Variants in GCN1 observed in about 807,000 individuals in gnomAD.
The protein encoded by GCN1 is stalled ribosome sensor GCN1.
GCN1 carries 90 observed loss-of-function variants against 288.4 expected under a neutral mutation model. That is an observed-to-expected ratio of 0.31 (90% CI 0.26 to 0.37). The LOEUF (loss-of-function observed/expected upper bound fraction) is 0.37. GCN1 is among the 10% of genes least tolerant of loss of function. GCN1 has a pLI of 1.00. For synonymous variants in GCN1, 1,386 were observed against 1,420.2 expected, an observed-to-expected ratio of 0.98 and a Z score of 0.54; for missense variants, 2,586 against 3,419.9, an observed-to-expected ratio of 0.76 and a Z score of 6.08.
chr12:120,138,061 C>T lies in GCN1; in HGVS notation c.6250-17G>A, dbSNP rs1170676787. 1.9e-6 allele frequency: 3 copies of T among 1,604,074 alleles called. No individual in the cohort carries two copies. The highest frequency in any genetic ancestry group is 2.3e-5 in the East Asian group (1 of 44,444). ...CGTTGTCAGCTGGTGGAATGACAAA[C>T]ATTAACTCAGTGAATACTGTGCCAG... On this transcript the variant is annotated splice_polypyrimidine_tract_variant and intron_variant, in intron 47 of 57. Transcript: ENST00000300648.
rs1009259986 is a variant in GCN1, at chr12:120,137,467, T to A, written c.6663+78A>T. ...AGCTGAGTGACAGGTACGTGGGGGATTCTTATAAGTCTATTCCTGTAAATG... is the reference window on the plus strand; with the variant it reads ...AGCTGAGTGACAGGTACGTGGGGGAATCTTATAAGTCTATTCCTGTAAATG... On this transcript the variant is annotated intron_variant, in intron 49 of 57. Transcript: ENST00000300648. The surrounding 1 kb of genome is among the most constrained non-coding windows in gnomAD (Gnocchi z 5.2). The A allele has an allele frequency of 2.0e-6, 3 of 1,514,640 alleles. No homozygotes were observed. The African/African-American group carries it at 4.1e-5, about 21-fold the overall frequency. The allele number at this position is 1,514,640 out of a possible 1,614,324, so 93.8% of individuals were successfully genotyped here.
At chr12:120,136,456 G>C (rs960772440) in intron 51 of GCN1, 46 bp downstream of exon 51, 3 of 1,435,462 alleles carry the variant, frequency 2.1e-6, no homozygotes, top group Non-Finnish European at 2.9e-6. Context: ...GGCTCCTGCA[G>C]ACAGACCTGT....
Position 120,164,376 on chromosome 12 carries a change from C to A in GCN1, c.1808G>T (p.Gly603Val), listed in dbSNP as rs772641060. The change falls in exon 18 of 58, where the codon GGA (glycine) becomes GTA (valine). Residue 603 changes from glycine to valine, a missense_variant. Gly to Val is a moderately radical substitution (Grantham distance 109). Around this residue, in one of 8 missense-constraint regions of GCN1, gnomAD observed 913 missense variants for 1,107.0 expected, o/e 0.82. Transcript: ENST00000300648. Reference sequence around the variant, plus strand: ...GACAGTCTTCAGCTCCTCCAAGAGTCCGTGCGCCAGCTTAAAGCCCCCAAG... The same window carrying A: ...GACAGTCTTCAGCTCCTCCAAGAGTACGTGCGCCAGCTTAAAGCCCCCAAG... ...SSLGGFKLAH[G>V]LLEELKTVLS... 4.3e-6 allele frequency: 7 copies of A among 1,614,074 alleles called. No homozygotes were observed. Among genetic ancestry groups the A allele is most frequent in the Non-Finnish European group, 5.9e-6 (7 of 1,180,028 alleles).
chr12:120,156,650 T>G lies in GCN1; in HGVS notation c.3169-46A>C. ...CTGGTTCAGTCAGCAACTCATTTAC[T>G]ACTAGGGGGCCAGAGAGGGATATGC... On this transcript the variant is annotated intron_variant, in intron 27 of 57. Coordinates refer to ENST00000300648, the MANE Select transcript of GCN1 (RefSeq NM_006836.2). The surrounding 1 kb of genome is among the most constrained non-coding windows in gnomAD (Gnocchi z 5.8). 1 of 1,599,742 alleles carries G rather than the reference T, an allele frequency of 6.3e-7. No homozygotes were observed. Among genetic ancestry groups the G allele is most frequent in the Non-Finnish European group, 8.6e-7 (1 of 1,168,566 alleles).
At chr12:120,146,835 C>G (rs1033392922) in intron 38 of GCN1, among the ~76,000 whole-genome samples, 1 of 152,238 alleles carries the variant, frequency 6.6e-6, no homozygotes, top group Non-Finnish European at 1.5e-5. Context: ...ACAGGCCTTT[C>G]TGGGCCTCAG....
At chr12:120,182,783 CAA>C (rs1420464101) in intron 5 of GCN1, among the ~76,000 whole-genome samples, 2 of 152,028 alleles carry the variant, frequency 1.3e-5, no homozygotes, top group Non-Finnish European at 2.9e-5. Context: ...ACTAAAAATA[CAA>C]AAGAATTAGC....
Position 120,131,266 on chromosome 12 carries a change from A to C in GCN1, c.7482T>G (p.Asn2494Lys). The change falls in exon 55 of 58, where the codon AAT becomes AAG. Residue 2494 changes from asparagine (N) to lysine (K), a missense_variant. Asn to Lys is a moderately conservative substitution (Grantham distance 94, BLOSUM62 0). This residue lies in a region of GCN1 where 355 missense variants were observed against 431.1 expected (regional missense o/e 0.82). Coordinates refer to ENST00000300648, the MANE Select transcript of GCN1 (RefSeq NM_006836.2). ...GRSLALSVAV[N>K]VAPGRLCAGR... The stretch of plus-strand genomic sequence containing the variant: ...CGGCACAAAGTCTGCCAGGAGCCAC[A>C]TTCACAGCCACGGAAAGTGCCAGGC... 1 of 1,614,074 alleles carries C rather than the reference A, an allele frequency of 6.2e-7. No individual in the cohort carries two copies. The highest frequency in any genetic ancestry group is 1.3e-5 in the African/African-American group (1 of 75,058).
chr12:120,129,882 C>CTGAT (rs1463501734), intron 56 of GCN1, among the ~76,000 whole-genome samples: 4 of 152,216 alleles, frequency 2.6e-5, no homozygotes, highest in Non-Finnish European at 4.4e-5. Context: ...GGGTCCTCCC[C>CTGAT]ATGGGCTCCA....
chr12:120,137,814 C>T lies in GCN1; in HGVS notation c.6394G>A (p.Glu2132Lys). ...ATCACAGCCTGACAATTGGCCATCT[C>T]CTGCAAACCACAAGGGACATGTGTG... ...EKLGTPDEQLEMANCQAVILS... is the reference protein window; with the variant it reads ...EKLGTPDEQLKMANCQAVILS... Residue 2132 changes from glutamate (E) to lysine (K), a missense_variant and splice_region_variant, in exon 49 of 58, where the codon GAG becomes AAG. Glu to Lys is a moderately conservative substitution (Grantham distance 56, BLOSUM62 1). Coordinates refer to ENST00000300648, the MANE Select transcript of GCN1 (RefSeq NM_006836.2). The surrounding 1 kb of genome is among the most constrained non-coding windows in gnomAD (Gnocchi z 5.2). The T allele has an allele frequency of 6.2e-7, 1 of 1,613,464 alleles. No individual in the cohort carries two copies. Among genetic ancestry groups the T allele is most frequent in the Non-Finnish European group, 8.5e-7 (1 of 1,179,358 alleles).
At chr12:120,174,956 T>C (rs1398391435) in intron 12 of GCN1, among the ~76,000 whole-genome samples, 1 of 150,620 alleles carries the variant, frequency 6.6e-6, no homozygotes, top group Non-Finnish European at 1.5e-5. Flanking sequence ...TGAAACCCCA[T>C]CTCTACTAAA....
chr12:120,131,140 A>G (rs763546014), intron 55 of GCN1, 45 bp downstream of exon 55: 1 of 1,586,070 alleles, frequency 6.3e-7, no homozygotes, highest in South Asian at 1.1e-5. Flanking sequence ...GGTGCTGCCT[A>G]TGGGATGTGG....
intron 42 of GCN1, among the ~76,000 whole-genome samples, chr12:120,143,442 C>A (rs1484883341): frequency 6.6e-6 from 1 of 152,144 alleles, no homozygotes; most frequent in Admixed American, 6.5e-5. Flanking sequence ...ATTAGCCAGG[C>A]GTGCTGGCAG....
At position 120,130,748 on chromosome 12, in the gene GCN1, G is replaced by A. The variant is rs780287777; in HGVS notation, c.7569C>T (p.Pro2523=). The A allele has an allele frequency of 6.2e-7, 1 of 1,608,244 alleles. No homozygotes were observed. The highest frequency in any genetic ancestry group is 1.1e-5 in the South Asian group (1 of 90,954). ...ILSSATADRI[P]IAVSGVRGMG... is the part of the protein sequence containing the mutation. ...TGCCCCGGACCCCGCTCACCGCAAT[G>A]GGGATCTGTGGAGAACAGACAGCGC... Residue 2523 remains proline (P), a synonymous_variant, in exon 56 of 58, where the codon CCC becomes CCT. Coordinates refer to ENST00000300648, the MANE Select transcript of GCN1 (RefSeq NM_006836.2).
intron 3 of GCN1, 116 bp downstream of exon 3, chr12:120,184,708 G>C: frequency 2.6e-6 from 2 of 775,994 alleles, no homozygotes; most frequent in South Asian, 2.8e-5. Flanking sequence ...GCTAGGATGT[G>C]ACATAGCCCA....
chr12:120,169,783 C>T (rs562147308), intron 15 of GCN1, among the ~76,000 whole-genome samples: 10 of 152,300 alleles, frequency 6.6e-5, no homozygotes, highest in East Asian at 5.8e-4. Flanking sequence ...TTGGTAACAC[C>T]GTTTACAGAG....
In GCN1 at chr12:120,175,917, G is replaced by A. The variant is rs772907277; in HGVS notation, c.914-43C>T. The A allele has an allele frequency of 3.1e-5, 49 of 1,581,446 alleles. No homozygotes were observed. In the East Asian group the frequency reaches 1.1e-3, roughly 34 times the overall value. The stretch of plus-strand genomic sequence containing the variant: ...CTGCTCAGAAGCAGCCAACAACTGA[G>A]CATCCAGACTTTCGTCTTTGTCTTT... On this transcript the variant is annotated intron_variant, in intron 10 of 57. Transcript: ENST00000300648.
chr12:120,161,126 C>CCCAGAAGT (rs1456923103), intron 22 of GCN1, among the ~76,000 whole-genome samples: 1 of 152,182 alleles, frequency 6.6e-6, no homozygotes, highest in East Asian at 1.9e-4. Context: ...GTCATGATTC[C>CCCAGAAGT]CCAGAAGTCC....
At chr12:120,163,788 G>A (rs1016782085) in intron 18 of GCN1, among the ~76,000 whole-genome samples, 11 of 152,134 alleles carry the variant, frequency 7.2e-5, no homozygotes, top group Non-Finnish European at 1.3e-4. Context: ...GCTTTAAAAA[G>A]TACAAAGTGC....
At chr12:120,169,276 C>CAAAAAAAAAAAAAAAAA (rs35819206) in intron 15 of GCN1, among the ~76,000 whole-genome samples, 40 of 66,616 alleles carry the variant, frequency 6.0e-4, no homozygotes, top group African/African-American at 1.2e-3. Flanking sequence ...AACTCCGTCT[C>CAAAAAAAAAAAAAAAAA]AAAAAAAAAA....
Sources: allele counts gnomAD v4.1 joint callset (sites outside exome capture counted in the v4.1 genomes callset), GRCh38; gene constraint gnomAD v4.1.1; regional missense constraint gnomAD v4.1.1; non-coding constraint Gnocchi (gnomAD v3.1); transcripts MANE v1.5; gene names NCBI Gene and HGNC (gene_info 2026-07-23, HGNC 2026-07-21).